CELF2: variants seen among roughly 807,000 people sequenced by gnomAD.
The protein encoded by CELF2 is CUGBP Elav-like family member 2.
In CELF2, 8 loss-of-function variants were observed where a neutral mutation model predicts 62.6. The observed-to-expected ratio is 0.13, with a 90% CI of 0.07 to 0.23. The LOEUF is 0.23. CELF2 is among the 10% of genes least tolerant of loss of function. The pLI is 1.00. For missense variants in CELF2, 333 were observed against 671.0 expected (o/e 0.50, Z 5.56); for synonymous variants, 258 against 250.0 (o/e 1.03, Z -0.30).
the CELF2 span, among the ~76,000 whole-genome samples, chr10:10,578,056 C>G: frequency 6.6e-6 from 1 of 152,190 alleles, no homozygotes; most frequent in Non-Finnish European, 1.5e-5. Flanking sequence ...GCCATTCTAA[C>G]TGGTGTGAGA....
rs762314259 is a variant in CELF2 at position 10,918,208 on chromosome 10, A to G, written c.54-1756A>G. 2.7e-4 allele frequency among the ~76,000 whole-genome samples: 41 copies of G among 152,370 alleles called. No individual in the cohort carries two copies. In the Middle Eastern group the frequency reaches 0.01, roughly 38 times the overall value. On this transcript the variant is annotated intron_variant, in intron 1 of 13. Transcript: ENST00000636488. ...AGAGACTTCTATTGTAATAAATGTC[A>G]TAAGGGAAGGCTAAATAGGGAGGGG... is the stretch of plus-strand genomic sequence containing the variant.
chr10:10,567,491 A>G, the CELF2 span, among the ~76,000 whole-genome samples: 1 of 152,146 alleles, frequency 6.6e-6, no homozygotes, highest in Non-Finnish European at 1.5e-5. Context: ...AGAGAAGCAG[A>G]ATGGGGCGGG....
rs543724889 is a variant in CELF2, at chr10:11,094,219, T to C, written c.75-71267T>C. On this transcript the variant is annotated intron_variant, in intron 1 of 12. Transcript: ENST00000633077. Reference sequence around the variant, plus strand: ...GAATTGAATTGCAGAACATTAACTTTACGCTAAGTACACAACAGTGACAAG... The same window carrying C: ...GAATTGAATTGCAGAACATTAACTTCACGCTAAGTACACAACAGTGACAAG... Among the ~76,000 whole-genome samples the C allele has an allele frequency of 2.6e-5, 4 of 152,334 alleles. No individual in the cohort carries two copies. The East Asian group carries it at 7.7e-4, about 29-fold the overall frequency.
At chr10:10,880,917 CAAA>C (rs1302028229) in intron 1 of CELF2, among the ~76,000 whole-genome samples, 1 of 152,128 alleles carries the variant, frequency 6.6e-6, no homozygotes, top group Non-Finnish European at 1.5e-5. Flanking sequence ...CTTATGTACT[CAAA>C]GGATTCAAGG....
the CELF2 span, among the ~76,000 whole-genome samples, chr10:10,745,460 C>A: frequency 6.6e-6 from 1 of 152,308 alleles, no homozygotes; most frequent in East Asian, 1.9e-4. Context: ...TTCTTCCGCA[C>A]CCCCTGGTGA....
intron 5 of CELF2, among the ~76,000 whole-genome samples, chr10:11,258,896 C>T (rs1045238205): frequency 1.3e-5 from 2 of 152,280 alleles, no homozygotes; most frequent in South Asian, 2.1e-4. Flanking sequence ...ACGTTGGCCA[C>T]GATGGTCTCC....
At chr10:11,240,444 G>A (rs933706447) in intron 3 of CELF2, among the ~76,000 whole-genome samples, 13 of 152,188 alleles carry the variant, frequency 8.5e-5, no homozygotes, top group South Asian at 8.3e-4. Flanking sequence ...ACTTCTCAGC[G>A]TCTATGTAGA....
the CELF2 span, among the ~76,000 whole-genome samples, chr10:10,636,011 T>C: frequency 6.6e-6 from 1 of 152,162 alleles, no homozygotes; most frequent in South Asian, 2.1e-4. Flanking sequence ...GTGATAAATA[T>C]CATGAAGAAA....
At chr10:10,952,498 A>C in intron 2 of CELF2, among the ~76,000 whole-genome samples, 1 of 152,218 alleles carries the variant, frequency 6.6e-6, no homozygotes, top group East Asian at 1.9e-4. Flanking sequence ...CAGCCATTGG[A>C]CTCAGGAGAG....
chr10:10,669,944 T>G, the CELF2 span, among the ~76,000 whole-genome samples: 1 of 134,138 alleles, frequency 7.5e-6, no homozygotes, highest in Admixed American at 8.5e-5. Flanking sequence ...CTCTTGTCAC[T>G]CAGGCTGGAG....
chr10:10,563,561 T>C, the CELF2 span, among the ~76,000 whole-genome samples: 8 of 148,340 alleles, frequency 5.4e-5, no homozygotes, highest in African/African-American at 2.0e-4. Flanking sequence ...TGAGCCAAGA[T>C]TGCGCCACTG....
chr10:10,512,921 G>A, the CELF2 span, among the ~76,000 whole-genome samples: 577 of 152,220 alleles, frequency 3.8e-3, 4 homozygotes, highest in African/African-American at 0.013. Context: ...ATGCTCTTGG[G>A]ATGATTTTAG....
intron 1 of CELF2, among the ~76,000 whole-genome samples, chr10:10,835,463 A>C (rs1173286745): frequency 6.6e-6 from 1 of 151,116 alleles, no homozygotes; most frequent in African/African-American, 2.4e-5. Context: ...GCTCACTGCA[A>C]CCTCTGCCTC....
At position 11,020,315 on chromosome 10, in the gene CELF2, T is replaced by C. The variant is rs372098957; in HGVS notation, c.74+2152T>C. Among the ~76,000 whole-genome samples the C allele has an allele frequency of 5.9e-5, 9 of 152,348 alleles. No homozygotes were observed. The East Asian group carries it at 1.2e-3, about 20-fold the overall frequency. On this transcript the variant is annotated intron_variant, in intron 1 of 12. Transcript: ENST00000633077. ...GGATTTGTAAATGATAGTTTTATTA[T>C]TTGTTTCCTAAATAGCTATTGTGTG... is the stretch of plus-strand genomic sequence containing the variant.
At chr10:10,893,961 A>G (rs2062351854) in intron 1 of CELF2, among the ~76,000 whole-genome samples, 2 of 152,242 alleles carry the variant, frequency 1.3e-5, no homozygotes, top group Admixed American at 1.3e-4. Context: ...CCATATCAGA[A>G]GGCAAGCACT....
chr10:10,586,111 G>A, the CELF2 span, among the ~76,000 whole-genome samples: 1 of 152,166 alleles, frequency 6.6e-6, no homozygotes, highest in African/African-American at 2.4e-5. Flanking sequence ...CTGCACCACT[G>A]CAAATGCTTT....
the CELF2 span, among the ~76,000 whole-genome samples, chr10:10,567,439 C>A: frequency 6.6e-6 from 1 of 152,100 alleles, no homozygotes; most frequent in Admixed American, 6.6e-5. Context: ...TCTGGGAGTG[C>A]TCTTGGAATC....
the CELF2 span, among the ~76,000 whole-genome samples, chr10:10,718,507 C>T: frequency 2.6e-5 from 4 of 151,844 alleles, no homozygotes; most frequent in East Asian, 7.7e-4. Context: ...ACCTGTGATT[C>T]CAGCTACTTG....
the CELF2 span, among the ~76,000 whole-genome samples, chr10:10,549,753 C>T: frequency 6.6e-6 from 1 of 152,194 alleles, no homozygotes; most frequent in Non-Finnish European, 1.5e-5. Flanking sequence ...TATGACCTCT[C>T]AGAAGAGTGT....
Sources: allele counts gnomAD v4.1 joint callset (sites outside exome capture counted in the v4.1 genomes callset), GRCh38; gene constraint gnomAD v4.1.1; transcripts MANE v1.5; gene names NCBI Gene and HGNC (gene_info 2026-07-23, HGNC 2026-07-21).